CLDN1: variants seen among roughly 807,000 people sequenced by gnomAD.
CLDN1 encodes the protein claudin 1.
Under a neutral mutation model 22.6 loss-of-function variants are expected in CLDN1, and 12 were observed. The observed-to-expected ratio is 0.53, with a 90% CI of 0.34 to 0.86. CLDN1 has a LOEUF of 0.86. Ranked by LOEUF, CLDN1 falls within the 40% of genes least tolerant of loss-of-function variation. The pLI, the probability that CLDN1 is intolerant of heterozygous loss-of-function variation, is 0.02. For synonymous variants in CLDN1, 99 were observed against 103.8 expected, an observed-to-expected ratio of 0.95 and a Z score of 0.28; for missense variants, 250 against 269.5, an observed-to-expected ratio of 0.93 and a Z score of 0.51.
At chr3:190,311,937 G>A (rs1410040793) in intron 2 of CLDN1, among the ~76,000 whole-genome samples, 1 of 144,120 alleles carries the variant, frequency 6.9e-6, no homozygotes, top group Non-Finnish European at 1.5e-5. Context: ...TTAAAAAACA[G>A]ATATTTCTTT....
rs114644300 is a variant in CLDN1, at chr3:190,310,303, C to T, written c.389-50G>A. 1,451 of 1,408,670 alleles carry T rather than the reference C, an allele frequency of 1.0e-3. 16 individuals are homozygous for T. The African/African-American group carries it at 0.019, about 18-fold the overall frequency. The allele number at this position is 1,408,670 out of a possible 1,614,324, so 87.3% of individuals were successfully genotyped here. A position where few individuals can be genotyped will look rare whatever the true frequency, so the allele number is the denominator to read the frequency against. ...TGTTAATCACCATGGAACACTGAGC[C>T]TAAATACACAACCTGTTAAACCAAA... On this transcript the variant is annotated intron_variant, in intron 2 of 3. Transcript: ENST00000295522.
intron 1 of CLDN1, among the ~76,000 whole-genome samples, chr3:190,318,166 A>G (rs1716819653): frequency 6.6e-6 from 1 of 152,176 alleles, no homozygotes; most frequent in South Asian, 2.1e-4. Context: ...CTCAGAACAT[A>G]AGCAAAATCA....
chr3:190,314,456 G>A (rs1716709519), intron 1 of CLDN1, among the ~76,000 whole-genome samples: 1 of 152,048 alleles, frequency 6.6e-6, no homozygotes, highest in Non-Finnish European at 1.5e-5. Flanking sequence ...GTGCAGTGGT[G>A]CGATATGGGC....
intron 1 of CLDN1, among the ~76,000 whole-genome samples, chr3:190,321,329 C>A (rs977641640): frequency 2.0e-5 from 3 of 152,128 alleles, no homozygotes; most frequent in African/African-American, 7.2e-5. Flanking sequence ...TACAGAAGAC[C>A]TTGGGTCTGA....
At chr3:190,308,756 TC>T (rs1488089212) in intron 3 of CLDN1, among the ~76,000 whole-genome samples, 1 of 152,184 alleles carries the variant, frequency 6.6e-6, no homozygotes, top group Non-Finnish European at 1.5e-5. Context: ...AGGGTTTGGA[TC>T]ATGGTTCCTA....
intron 1 of CLDN1, among the ~76,000 whole-genome samples, chr3:190,321,394 G>T (rs773174673): frequency 1.3e-4 from 20 of 152,098 alleles, no homozygotes; most frequent in Non-Finnish European, 2.6e-4. Context: ...CTTGCAAGGG[G>T]CCTCCCTGCA....
At chr3:190,318,663 A>G (rs1021549173) in intron 1 of CLDN1, among the ~76,000 whole-genome samples, 6 of 152,212 alleles carry the variant, frequency 3.9e-5, no homozygotes, top group Non-Finnish European at 7.3e-5. Flanking sequence ...TTTTGCTTCA[A>G]CTTCCATTAT....
chr3:190,312,558 G>T (rs1362221381), intron 2 of CLDN1, among the ~76,000 whole-genome samples: 1 of 152,144 alleles, frequency 6.6e-6, no homozygotes, highest in African/African-American at 2.4e-5. Context: ...AGACACCATA[G>T]GAATTATCTG....
rs188286992 is a variant in CLDN1, at chr3:190,308,270, C to T, written c.*7G>A. 2.7e-5 allele frequency: 44 copies of T among 1,613,518 alleles called. No homozygotes were observed. In the Admixed American group the frequency reaches 4.2e-4, roughly 15 times the overall value. ...TTTCAACATGATTTTCTCCTTTTGC[C>T]TCTGTGTCACACGTAGTCTTTCCCG... On this transcript the variant is annotated 3_prime_UTR_variant, in exon 4 of 4. Transcript: ENST00000295522.
chr3:190,315,445 G>T (rs974422771), intron 1 of CLDN1, among the ~76,000 whole-genome samples: 2 of 152,084 alleles, frequency 1.3e-5, no homozygotes, highest in African/African-American at 2.4e-5. Context: ...GCAGAACTTC[G>T]CAAATTAGGG....
Position 190,322,102 on chromosome 3 carries a change from A to G in CLDN1, c.105T>C (p.Tyr35=), listed in dbSNP as rs1406310131. Residue 35 remains tyrosine (Y), a synonymous_variant, in exon 1 of 4, where the codon TAT becomes TAC. Coordinates refer to ENST00000295522, the MANE Select transcript of CLDN1 (RefSeq NM_021101.5). ...TALPQWRIYS[Y]AGDNIVTAQA... ...GGGCGGTCACGATGTTGTCGCCGGC[A>G]TAGGAGTAAATCCTCCACTGGGGCA... 6.2e-7 allele frequency: 1 copy of G among 1,614,206 alleles called. No individual in the cohort carries two copies. Among genetic ancestry groups the G allele is most frequent in the Admixed American group, 1.7e-5 (1 of 60,034 alleles).
chr3:190,313,255 A>C, intron 1 of CLDN1: 1 of 556,322 alleles, frequency 1.8e-6, no homozygotes, highest in Non-Finnish European at 3.2e-6. Context: ...AGATCCCTCC[A>C]CTCCAATATT....
intron 1 of CLDN1, among the ~76,000 whole-genome samples, chr3:190,316,757 A>G (rs1716780776): frequency 6.6e-6 from 1 of 152,206 alleles, no homozygotes; most frequent in Non-Finnish European, 1.5e-5. Context: ...TTAAATTAGA[A>G]CATGTCTTTA....
At position 190,314,313 on chromosome 3, in the gene CLDN1, T is replaced by A. The variant is rs1198052360; in HGVS notation, c.224-1277A>T. Reference sequence around the variant, plus strand: ...CCAATCATAATTGAAGCTAAATATTTCTAAAACTTCATTAAATCTTGATTT... The same window carrying A: ...CCAATCATAATTGAAGCTAAATATTACTAAAACTTCATTAAATCTTGATTT... On this transcript the variant is annotated intron_variant, in intron 1 of 3. Coordinates refer to ENST00000295522, the MANE Select transcript of CLDN1 (RefSeq NM_021101.5). Among the ~76,000 whole-genome samples, 3 of 152,224 alleles carry A rather than the reference T, an allele frequency of 2.0e-5. No homozygotes were observed. In the East Asian group the frequency reaches 5.8e-4, roughly 29 times the overall value.
intron 2 of CLDN1, among the ~76,000 whole-genome samples, chr3:190,310,651 C>G (rs1179038238): frequency 6.6e-6 from 1 of 152,138 alleles, no homozygotes. Context: ...GATGAAAACT[C>G]TTCTATGTTC....
intron 3 of CLDN1, among the ~76,000 whole-genome samples, chr3:190,309,592 C>A (rs1716557541): frequency 6.6e-6 from 1 of 152,194 alleles, no homozygotes; most frequent in South Asian, 2.1e-4. Flanking sequence ...TAAGAATCAG[C>A]TCAACTTGCA....
At position 190,321,975 on chromosome 3, in the gene CLDN1, T is replaced by A; in HGVS notation, c.223+9A>T. Reference sequence around the variant, plus strand: ...CTGGACGGCCGCTGTGAGGTGGGGGTGCACTCACTGCTCAGATTCAGCAAG... The same window carrying A: ...CTGGACGGCCGCTGTGAGGTGGGGGAGCACTCACTGCTCAGATTCAGCAAG... On this transcript the variant is annotated intron_variant, in intron 1 of 3. Transcript: ENST00000295522. The A allele has an allele frequency of 6.2e-7, 1 of 1,611,558 alleles. No individual in the cohort carries two copies. The highest frequency in any genetic ancestry group is 8.5e-7 in the Non-Finnish European group (1 of 1,177,980).
At chr3:190,316,183 A>T (rs1716763149) in intron 1 of CLDN1, among the ~76,000 whole-genome samples, 1 of 152,248 alleles carries the variant, frequency 6.6e-6, no homozygotes, top group African/African-American at 2.4e-5. Flanking sequence ...AATGGAAAAC[A>T]CAATATTTAA....
At chr3:190,310,778 A>G (rs1301788769) in intron 2 of CLDN1, among the ~76,000 whole-genome samples, 1 of 152,162 alleles carries the variant, frequency 6.6e-6, no homozygotes, top group African/African-American at 2.4e-5. Flanking sequence ...CTACTGCCCC[A>G]TTGGCCAAGG....
Sources: allele counts gnomAD v4.1 joint callset (sites outside exome capture counted in the v4.1 genomes callset), GRCh38; gene constraint gnomAD v4.1.1; transcripts MANE v1.5; gene names NCBI Gene and HGNC (gene_info 2026-07-23, HGNC 2026-07-21).